Variants in C10orf90 observed in about 807,000 individuals in gnomAD.
The protein encoded by C10orf90 is chromosome 10 open reading frame 90, also known as (E2-independent) E3 ubiquitin-conjugating enzyme FATS.
Under a neutral mutation model 62.5 loss-of-function variants are expected in C10orf90, and 56 were observed. That is an observed-to-expected ratio of 0.90 (90% CI 0.72 to 1.12). The LOEUF is 1.12. Among genes scored for constraint, C10orf90 ranks in the 50% most tolerant of loss-of-function variants. The pLI is 0.00. For missense variants in C10orf90, 970 were observed against 880.4 expected (o/e 1.10, Z -1.29); for synonymous variants, 386 against 340.4 (o/e 1.13, Z -1.47).
At chr10:126,434,161 G>T (rs1423072985) in intron 7 of C10orf90, among the ~76,000 whole-genome samples, 1 of 152,184 alleles carries the variant, frequency 6.6e-6, no homozygotes, top group Non-Finnish European at 1.5e-5. Flanking sequence ...CAGTGCTTCT[G>T]AGAACTACTC....
chr10:126,594,108 C>CTTT (rs5788794), intron 2 of C10orf90, among the ~76,000 whole-genome samples: 7,954 of 131,950 alleles, frequency 0.06, 412 homozygotes, highest in South Asian at 0.17. Flanking sequence ...ACCAGGCTTG[C>CTTT]TTTTTTTTTT....
At chr10:126,488,199 A>C (rs1861540791) in intron 4 of C10orf90, among the ~76,000 whole-genome samples, 1 of 152,172 alleles carries the variant, frequency 6.6e-6, no homozygotes, top group Non-Finnish European at 1.5e-5. Flanking sequence ...ATTTTCTACA[A>C]ATGTATGATA....
intron 1 of C10orf90, among the ~76,000 whole-genome samples, chr10:126,666,870 C>T (rs1311551823): frequency 6.6e-6 from 1 of 151,324 alleles, no homozygotes; most frequent in Non-Finnish European, 1.5e-5. Context: ...ATCCCAGCTA[C>T]TCAGGAGGCT....
intron 2 of C10orf90, among the ~76,000 whole-genome samples, chr10:126,641,948 T>A (rs1271229484): frequency 6.6e-6 from 1 of 152,084 alleles, no homozygotes; most frequent in African/African-American, 2.4e-5. Context: ...AGGAGGTGAA[T>A]AGCTTCATTG....
rs192451127 is a variant in C10orf90, at chr10:126,604,495, A to T, written c.313+42070T>A. On this transcript the variant is annotated intron_variant, in intron 2 of 9. Transcript: ENST00000488181. ...CTTTAGCAAAAAGTCCTCAGCCTTCAGGGAGAAGCTCAGCTCTGCTATTCA... is the reference window on the plus strand; with the variant it reads ...CTTTAGCAAAAAGTCCTCAGCCTTCTGGGAGAAGCTCAGCTCTGCTATTCA... Among the ~76,000 whole-genome samples the T allele has an allele frequency of 1.1e-3, 162 of 152,354 alleles. 1 individual carries two copies. Among genetic ancestry groups the T allele is most frequent in the Admixed American group, 4.6e-3 (71 of 15,308 alleles).
intron 6 of C10orf90, 32 bp from the exon 7 acceptor site, chr10:126,459,249 A>C: frequency 6.2e-7 from 1 of 1,609,698 alleles, no homozygotes; most frequent in Non-Finnish European, 8.5e-7. Context: ...CGTCATTTTT[A>C]AGAGCAGTGA....
chr10:126,637,275 C>T (rs532484923), intron 2 of C10orf90, among the ~76,000 whole-genome samples: 14 of 152,240 alleles, frequency 9.2e-5, no homozygotes, highest in African/African-American at 2.9e-4. Context: ...CACTCTGTGT[C>T]GTCTCAAAGT....
At chr10:126,575,952 C>A (rs1844602613) in intron 2 of C10orf90, among the ~76,000 whole-genome samples, 3 of 151,972 alleles carry the variant, frequency 2.0e-5, no homozygotes, top group South Asian at 4.2e-4. Flanking sequence ...AATGTAAGAC[C>A]CCAAACAATA....
Position 126,503,993 on chromosome 10 carries a change from G to T in C10orf90, c.1498C>A (p.Leu500Met). The change falls in exon 4 of 10, where the codon CTG becomes ATG. Residue 500 changes from leucine to methionine, a missense_variant. By Grantham distance (15) the Leu-to-Met change is conservative (BLOSUM62 2). Coordinates refer to ENST00000488181, the MANE Select transcript of C10orf90 (RefSeq NM_001350921.2). ...CTCCAGCCAGGAATGTGAATGGACA[G>T]TTGGTTGGCATGATCGCTGGCGTGA... Reference protein sequence around the residue: ...HCHASDHANQLSIHIPGWSYR... With the variant: ...HCHASDHANQMSIHIPGWSYR... 1 of 1,613,194 alleles carries T rather than the reference G, an allele frequency of 6.2e-7. No homozygotes were observed. The highest frequency in any genetic ancestry group is 8.5e-7 in the Non-Finnish European group (1 of 1,179,900).
chr10:126,613,185 C>T (rs1303067669), intron 2 of C10orf90, among the ~76,000 whole-genome samples: 1 of 152,080 alleles, frequency 6.6e-6, no homozygotes, highest in Non-Finnish European at 1.5e-5. Flanking sequence ...AAATGGTATT[C>T]AAAGACCAAA....
At chr10:126,511,644 T>C (rs989041619) in intron 3 of C10orf90, among the ~76,000 whole-genome samples, 1 of 151,844 alleles carries the variant, frequency 6.6e-6, no homozygotes, top group African/African-American at 2.4e-5. Flanking sequence ...AAATTAAAAA[T>C]ACAAATTACA....
chr10:126,514,073 C>T, intron 2 of C10orf90, 134 bp from the exon 3 acceptor site: 1 of 635,330 alleles, frequency 1.6e-6, no homozygotes, highest in Non-Finnish European at 2.7e-6. Flanking sequence ...GATAGTCTAA[C>T]CATGACAAAA....
intron 4 of C10orf90, among the ~76,000 whole-genome samples, chr10:126,494,576 C>T (rs1280033086): frequency 1.3e-5 from 2 of 152,216 alleles, no homozygotes; most frequent in Non-Finnish European, 2.9e-5. Flanking sequence ...GACACAGGCT[C>T]AGTGCAGGCT....
At chr10:126,605,915 T>TACA (rs1171645572) in intron 2 of C10orf90, among the ~76,000 whole-genome samples, 5 of 134,628 alleles carry the variant, frequency 3.7e-5, no homozygotes, top group Non-Finnish European at 8.1e-5. Context: ...ATACATACAT[T>TACA]TGATTGCAGC....
chr10:126,436,124 A>C (rs928523596), intron 7 of C10orf90, among the ~76,000 whole-genome samples: 5 of 152,120 alleles, frequency 3.3e-5, no homozygotes, highest in Non-Finnish European at 7.4e-5. Flanking sequence ...ACCTGTGCAA[A>C]TTCAGTACCC....
Position 126,510,957 on chromosome 10 carries a change from C to A in C10orf90, c.405+2891G>T, listed in dbSNP as rs569586717. Among the ~76,000 whole-genome samples the A allele has an allele frequency of 3.3e-5, 5 of 152,340 alleles. No homozygotes were observed. The South Asian group carries it at 1.0e-3, about 32-fold the overall frequency. ...AATAAGGCTCTCCTCCCATCTCTACCTTGAAACCTGAATTTTTCCCCATTG... is the reference window on the plus strand; with the variant it reads ...AATAAGGCTCTCCTCCCATCTCTACATTGAAACCTGAATTTTTCCCCATTG... On this transcript the variant is annotated intron_variant, in intron 3 of 9. Coordinates refer to ENST00000488181, the MANE Select transcript of C10orf90 (RefSeq NM_001350921.2).
chr10:126,446,839 A>G (rs921264916), intron 7 of C10orf90, among the ~76,000 whole-genome samples: 4 of 151,424 alleles, frequency 2.6e-5, no homozygotes, highest in Non-Finnish European at 4.4e-5. Context: ...TTGTTAAGAA[A>G]AAAATATATA....
chr10:126,531,231 T>C (rs1297337915), intron 2 of C10orf90, among the ~76,000 whole-genome samples: 1 of 151,614 alleles, frequency 6.6e-6, no homozygotes, highest in South Asian at 2.1e-4. Flanking sequence ...CTCATGAACA[T>C]AGATCAACAG....
chr10:126,487,142 CA>C (rs1158481155), intron 4 of C10orf90, among the ~76,000 whole-genome samples: 802 of 29,434 alleles, frequency 0.027, 5 homozygotes, highest in Middle Eastern at 0.077. Flanking sequence ...AAAACTCTGT[CA>C]AAAAAAAAAA....
Sources: allele counts gnomAD v4.1 joint callset (sites outside exome capture counted in the v4.1 genomes callset), GRCh38; gene constraint gnomAD v4.1.1; transcripts MANE v1.5; gene names NCBI Gene and HGNC (gene_info 2026-07-23, HGNC 2026-07-21).